Variants in RRAGA observed in about 807,000 individuals in gnomAD.
RRAGA encodes the protein ras-related GTP-binding protein A.
A neutral mutation model predicts 20.5 loss-of-function variants in RRAGA; 11 were observed. The ratio of observed to expected loss-of-function variants is 0.54; its 90% confidence interval spans 0.34 to 0.89. RRAGA has a LOEUF of 0.89. Ranked by LOEUF, RRAGA falls within the 40% of genes least tolerant of loss-of-function variation. The pLI is 0.02. For missense variants in RRAGA, 214 were observed against 400.7 expected, an observed-to-expected ratio of 0.53 and a Z score of 3.98; for synonymous variants, 184 against 155.4, an observed-to-expected ratio of 1.18 and a Z score of -1.37.
rs751720622 is a variant in RRAGA at position 19,049,794 on chromosome 9, G to A, written c.135G>A (p.Val45=). ...DTRRLGATID[V]EHSHVRFLGN... is the part of the protein sequence containing the mutation. ...GGCGCCTGGGGGCCACCATTGACGT[G>A]GAACACTCCCACGTCCGATTCCTAG... Residue 45 remains valine (V), a synonymous_variant, in exon 1 of 1, where the codon GTG becomes GTA. Coordinates refer to ENST00000380527, the MANE Select transcript of RRAGA (RefSeq NM_006570.5). This position sits in a 1 kb window ranked among gnomAD's most constrained non-coding sequence, Gnocchi z 5.4. 1.9e-6 allele frequency: 3 copies of A among 1,614,044 alleles called. No individual in the cohort carries two copies. Among genetic ancestry groups the A allele is most frequent in the East Asian group, 4.5e-5 (2 of 44,884 alleles).
Position 19,050,262 on chromosome 9 carries a change from T to C in RRAGA, c.603T>C (p.Asp201=). 1 of 1,614,160 alleles carries C rather than the reference T, an allele frequency of 6.2e-7. No homozygotes were observed. Among genetic ancestry groups the C allele is most frequent in the East Asian group, 2.2e-5 (1 of 44,894 alleles). The change falls in exon 1 of 1, where the codon GAT becomes GAC. Residue 201 remains aspartate, a synonymous_variant. Transcript: ENST00000380527. Reference sequence around the variant, plus strand: ...ATTTTGCCCAAATCATTGAGGCCGATGAAGTTCTGCTGTTCGAAAGAGCTA... The same window carrying C: ...ATTTTGCCCAAATCATTGAGGCCGACGAAGTTCTGCTGTTCGAAAGAGCTA... ...LRNFAQIIEA[D]EVLLFERATF...
chr9:19,050,972 A>G lies in RRAGA; in HGVS notation c.*371A>G, dbSNP rs1836338721. 5.3e-6 allele frequency: 1 copy of G among 188,568 alleles called. No individual in the cohort carries two copies. The highest frequency in any genetic ancestry group is 2.4e-5 in the African/African-American group (1 of 42,120). 11.7% of individuals were successfully genotyped at this position (188,568 alleles called of 1,614,324 possible). Reference sequence around the variant, plus strand: ...TTTTATCAGCAAGGTATTAAAATGCATTTATAAATTCTTCTTGGCTTCATT... The same window carrying G: ...TTTTATCAGCAAGGTATTAAAATGCGTTTATAAATTCTTCTTGGCTTCATT... On this transcript the variant is annotated 3_prime_UTR_variant, in exon 1 of 1. Transcript: ENST00000380527.
Position 19,050,429 on chromosome 9 carries a change from C to G in RRAGA, c.770C>G (p.Ser257Cys). The G allele has an allele frequency of 6.2e-7, 1 of 1,614,170 alleles. No homozygotes were observed. The highest frequency in any genetic ancestry group is 1.1e-5 in the South Asian group (1 of 91,072). The change falls in exon 1 of 1, where the codon TCC becomes TGC. Residue 257 changes from serine to cysteine, a missense_variant. Coordinates refer to ENST00000380527, the MANE Select transcript of RRAGA (RefSeq NM_006570.5). Reference sequence around the variant, plus strand: ...TTCCAGAGCATGGAAGTTAGGAATTCCAACTTCGCTGCTTTCATCGACATC... The same window carrying G: ...TTCCAGAGCATGGAAGTTAGGAATTGCAACTTCGCTGCTTTCATCGACATC... ...ASFQSMEVRNSNFAAFIDIFT... is the reference protein window; with the variant it reads ...ASFQSMEVRNCNFAAFIDIFT...
In RRAGA at chr9:19,049,618, A is replaced by C; in HGVS notation, c.-42A>C. 5.3e-6 allele frequency: 8 copies of C among 1,504,966 alleles called. No homozygotes were observed. Among genetic ancestry groups the C allele is most frequent in the Non-Finnish European group, 7.2e-6 (8 of 1,104,576 alleles). The allele number at this position is 1,504,966 out of a possible 1,614,324, so 93.2% of individuals were successfully genotyped here. ...CGACCCCTCCCTCGGCGCTGCGTGTAGGCCGCGCCCTCAGGCCCAGTCCGC... is the reference window on the plus strand; with the variant it reads ...CGACCCCTCCCTCGGCGCTGCGTGTCGGCCGCGCCCTCAGGCCCAGTCCGC... On this transcript the variant is annotated 5_prime_UTR_variant, in exon 1 of 1. Coordinates refer to ENST00000380527, the MANE Select transcript of RRAGA (RefSeq NM_006570.5). This position sits in a 1 kb window ranked among gnomAD's most constrained non-coding sequence, Gnocchi z 5.4.
At position 19,049,618 on chromosome 9, in the gene RRAGA, A is replaced by T; in HGVS notation, c.-42A>T. ...CGACCCCTCCCTCGGCGCTGCGTGTAGGCCGCGCCCTCAGGCCCAGTCCGC... is the reference window on the plus strand; with the variant it reads ...CGACCCCTCCCTCGGCGCTGCGTGTTGGCCGCGCCCTCAGGCCCAGTCCGC... On this transcript the variant is annotated 5_prime_UTR_variant, in exon 1 of 1. Coordinates refer to ENST00000380527, the MANE Select transcript of RRAGA (RefSeq NM_006570.5). This position sits in a 1 kb window ranked among gnomAD's most constrained non-coding sequence, Gnocchi z 5.4. 2.7e-6 allele frequency: 4 copies of T among 1,504,966 alleles called. No homozygotes were observed. Among genetic ancestry groups the T allele is most frequent in the Non-Finnish European group, 3.6e-6 (4 of 1,104,576 alleles). 93.2% of individuals were successfully genotyped at this position (1,504,966 alleles called of 1,614,324 possible).
Position 19,050,714 on chromosome 9 carries a change from C to T in RRAGA, c.*113C>T. On this transcript the variant is annotated 3_prime_UTR_variant, in exon 1 of 1. Coordinates refer to ENST00000380527, the MANE Select transcript of RRAGA (RefSeq NM_006570.5). ...AAAGTGGGCTTTGAAGTGTGTGCTG[C>T]TTACTCCTTTCATCTTTCTCCCCGC... 1.0e-6 allele frequency: 1 copy of T among 978,152 alleles called. No homozygotes were observed. Among genetic ancestry groups the T allele is most frequent in the Admixed American group, 2.5e-5 (1 of 40,126 alleles). 60.6% of individuals were successfully genotyped at this position (978,152 alleles called of 1,614,324 possible). A position where few individuals can be genotyped will look rare whatever the true frequency, so the allele number is the denominator to read the frequency against.
rs1836320609 is a variant in RRAGA, at chr9:19,050,125, G to C, written c.466G>C (p.Glu156Gln). The C allele has an allele frequency of 1.2e-6, 2 of 1,613,922 alleles. No homozygotes were observed. Among genetic ancestry groups the C allele is most frequent in the East Asian group, 2.2e-5 (1 of 44,882 alleles). The change falls in exon 1 of 1, where the codon GAG (glutamate) becomes CAG (glutamine). Residue 156 changes from glutamate (E) to glutamine (Q), a missense_variant. Physicochemically the swap from Glu to Gln is conservative, Grantham distance 29. This residue lies in a region of RRAGA where 88 missense variants were observed against 169.9 expected (regional missense o/e 0.52). Transcript: ENST00000380527. ...CCTGAGGCGTCTGTCTCGCCCGCTG[G>C]AGTGTGCTTGTTTTCGAACGTCCAT... ...EDLRRLSRPL[E>Q]CACFRTSIWD...
Position 19,049,860 on chromosome 9 carries a change from C to T in RRAGA, c.201C>T (p.Asp67=). ...ACCTGTGGGACTGTGGCGGTCAGGA[C>T]ACCTTCATGGAAAATTACTTCACCA... ...VLNLWDCGGQ[D]TFMENYFTSQ... Residue 67 remains aspartate (D), a synonymous_variant, in exon 1 of 1, where the codon GAC becomes GAT. Coordinates refer to ENST00000380527, the MANE Select transcript of RRAGA (RefSeq NM_006570.5). This position sits in a 1 kb window ranked among gnomAD's most constrained non-coding sequence, Gnocchi z 5.4. 6.2e-7 allele frequency: 1 copy of T among 1,614,102 alleles called. No individual in the cohort carries two copies. The highest frequency in any genetic ancestry group is 8.5e-7 in the Non-Finnish European group (1 of 1,180,028).
chr9:19,050,721 C>G lies in RRAGA; in HGVS notation c.*120C>G, dbSNP rs1836333206. On this transcript the variant is annotated 3_prime_UTR_variant, in exon 1 of 1. Coordinates refer to ENST00000380527, the MANE Select transcript of RRAGA (RefSeq NM_006570.5). ...GCTTTGAAGTGTGTGCTGCTTACTC[C>G]TTTCATCTTTCTCCCCGCTTCCCCA... 2 of 889,644 alleles carry G rather than the reference C, an allele frequency of 2.2e-6. No individual in the cohort carries two copies. Among genetic ancestry groups the G allele is most frequent in the South Asian group, 1.7e-5 (1 of 58,420 alleles). The allele number at this position is 889,644 out of a possible 1,614,324, so 55.1% of individuals were successfully genotyped here.
At position 19,049,758 on chromosome 9, in the gene RRAGA, T is replaced by C. The variant is rs754384041; in HGVS notation, c.99T>C (p.Ala33=). ...MRSIIFANYI[A]RDTRRLGATI... ...CGATAATCTTCGCCAATTACATTGCTCGCGACACCCGGCGCCTGGGGGCCA... is the reference window on the plus strand; with the variant it reads ...CGATAATCTTCGCCAATTACATTGCCCGCGACACCCGGCGCCTGGGGGCCA... Residue 33 remains alanine (A), a synonymous_variant, in exon 1 of 1, where the codon GCT becomes GCC. Transcript: ENST00000380527. This position sits in a 1 kb window ranked among gnomAD's most constrained non-coding sequence, Gnocchi z 5.4. The C allele has an allele frequency of 3.7e-6, 6 of 1,614,020 alleles. No individual in the cohort carries two copies. The highest frequency in any genetic ancestry group is 1.6e-4 in the Middle Eastern group (1 of 6,084).
Position 19,050,799 on chromosome 9 carries a change from G to C in RRAGA, c.*198G>C, listed in dbSNP as rs538689686. 24 of 596,866 alleles carry C rather than the reference G, an allele frequency of 4.0e-5. 1 individual carries two copies. The South Asian group carries it at 4.8e-4, about 12-fold the overall frequency. The allele number at this position is 596,866 out of a possible 1,614,324, so 37.0% of individuals were successfully genotyped here. A position where few individuals can be genotyped will look rare whatever the true frequency, so the allele number is the denominator to read the frequency against. On this transcript the variant is annotated 3_prime_UTR_variant, in exon 1 of 1. Coordinates refer to ENST00000380527, the MANE Select transcript of RRAGA (RefSeq NM_006570.5). The stretch of plus-strand genomic sequence containing the variant: ...CAGCTACCCAGTAGAGCTTGAAGCT[G>C]ACCTTTCTGAGAAGTTGGTATGGTG...
At position 19,050,088 on chromosome 9, in the gene RRAGA, G is replaced by C; in HGVS notation, c.429G>C (p.Glu143Asp). The change falls in exon 1 of 1, where the codon GAG becomes GAC. Residue 143 changes from glutamate to aspartate, a missense_variant. Around this residue, in one of 4 missense-constraint regions of RRAGA, gnomAD observed 88 missense variants for 169.9 expected, o/e 0.52. Coordinates refer to ENST00000380527, the MANE Select transcript of RRAGA (RefSeq NM_006570.5). The part of the protein sequence containing the change: ...QEDQRDLIFK[E>D]REEDLRRLSR... ...ATCAGCGTGACCTGATTTTTAAAGA[G>C]CGAGAGGAAGACCTGAGGCGTCTGT... 1.2e-6 allele frequency: 2 copies of C among 1,614,106 alleles called. No individual in the cohort carries two copies. Among genetic ancestry groups the C allele is most frequent in the Non-Finnish European group, 1.7e-6 (2 of 1,180,032 alleles).
Position 19,050,277 on chromosome 9 carries a change from C to T in RRAGA, c.618C>T (p.Phe206=). 7 of 1,614,116 alleles carry T rather than the reference C, an allele frequency of 4.3e-6. No individual in the cohort carries two copies. The highest frequency in any genetic ancestry group is 5.9e-6 in the Non-Finnish European group (7 of 1,180,040). The change falls in exon 1 of 1, where the codon TTC becomes TTT. Residue 206 remains phenylalanine, a synonymous_variant. Coordinates refer to ENST00000380527, the MANE Select transcript of RRAGA (RefSeq NM_006570.5). ...QIIEADEVLL[F]ERATFLVISH... The stretch of plus-strand genomic sequence containing the variant: ...TTGAGGCCGATGAAGTTCTGCTGTT[C>T]GAAAGAGCTACATTCTTGGTTATTT...
In RRAGA at chr9:19,050,572, G is replaced by C. The variant is rs1836329659; in HGVS notation, c.913G>C (p.Gly305Arg). 6.2e-7 allele frequency: 1 copy of C among 1,614,088 alleles called. No homozygotes were observed. Among genetic ancestry groups the C allele is most frequent in the Non-Finnish European group, 8.5e-7 (1 of 1,180,042 alleles). ...CTTTGAGAAGCTGGAGAGAGTGGAT[G>C]GCCCCAAGCACAGTCTCCTTATGCG... ...KHFEKLERVDGPKHSLLMR is the reference protein window; with the variant it reads ...KHFEKLERVDRPKHSLLMR The change falls in exon 1 of 1, where the codon GGC (glycine) becomes CGC (arginine). Residue 305 changes from glycine to arginine, a missense_variant. Around this residue, in one of 4 missense-constraint regions of RRAGA, gnomAD observed 68 missense variants for 83.9 expected, o/e 0.81. Transcript: ENST00000380527.
Position 19,050,307 on chromosome 9 carries a change from C to T in RRAGA, c.648C>T (p.His216=), listed in dbSNP as rs1157028488. ...FERATFLVIS[H]YQCKEQRDVH... ...GAGCTACATTCTTGGTTATTTCCCA[C>T]TACCAGTGCAAAGAGCAGCGCGACG... The change falls in exon 1 of 1, where the codon CAC becomes CAT. Residue 216 remains histidine (H), a synonymous_variant. Coordinates refer to ENST00000380527, the MANE Select transcript of RRAGA (RefSeq NM_006570.5). The T allele has an allele frequency of 2.5e-6, 4 of 1,614,064 alleles. No individual in the cohort carries two copies. The African/African-American group carries it at 4.0e-5, about 16-fold the overall frequency.
rs1588585470 is a variant in RRAGA, at chr9:19,050,547, C to T, written c.888C>T (p.His296=). ...TLINIRNARK[H]FEKLERVDGP... ...TCAACATTCGCAATGCCCGGAAACA[C>T]TTTGAGAAGCTGGAGAGAGTGGATG... The change falls in exon 1 of 1, where the codon CAC becomes CAT. Residue 296 remains histidine (H), a synonymous_variant. Coordinates refer to ENST00000380527, the MANE Select transcript of RRAGA (RefSeq NM_006570.5). 3 of 1,614,230 alleles carry T rather than the reference C, an allele frequency of 1.9e-6. No individual in the cohort carries two copies. The highest frequency in any genetic ancestry group is 1.1e-5 in the South Asian group (1 of 91,082).
In RRAGA at chr9:19,049,484, A is replaced by C; in HGVS notation, c.-176A>C. ...GGGCGCTCCCATCTGAGTAAGAGCC[A>C]GCCCGTCCGCGGCCTCTCCAGCCCC... On this transcript the variant is annotated 5_prime_UTR_variant, in exon 1 of 1. Coordinates refer to ENST00000380527, the MANE Select transcript of RRAGA (RefSeq NM_006570.5). This position sits in a 1 kb window ranked among gnomAD's most constrained non-coding sequence, Gnocchi z 5.4. 5.6e-6 allele frequency: 3 copies of C among 539,966 alleles called. No homozygotes were observed. Among genetic ancestry groups the C allele is most frequent in the South Asian group, 2.4e-5 (1 of 41,448 alleles). 33.4% of individuals were successfully genotyped at this position (539,966 alleles called of 1,614,324 possible).
At position 19,049,659 on chromosome 9, in the gene RRAGA, G is replaced by A. The variant is rs199503026; in HGVS notation, c.-1G>A. ...CCCAGTCCGCGGTGCCCCGGCGGGT[G>A]ATGCCAAATACAGCCATGAAGAAAA... On this transcript the variant is annotated 5_prime_UTR_variant, in exon 1 of 1. Coordinates refer to ENST00000380527, the MANE Select transcript of RRAGA (RefSeq NM_006570.5). The surrounding 1 kb of genome is among the most constrained non-coding windows in gnomAD (Gnocchi z 5.4). 6.2e-7 allele frequency: 1 copy of A among 1,608,226 alleles called. No individual in the cohort carries two copies. Among genetic ancestry groups the A allele is most frequent in the Non-Finnish European group, 8.5e-7 (1 of 1,176,072 alleles).
At position 19,050,441 on chromosome 9, in the gene RRAGA, C is replaced by G; in HGVS notation, c.782C>G (p.Ala261Gly). 1 of 1,614,158 alleles carries G rather than the reference C, an allele frequency of 6.2e-7. No individual in the cohort carries two copies. Among genetic ancestry groups the G allele is most frequent in the Non-Finnish European group, 8.5e-7 (1 of 1,180,026 alleles). ...GAAGTTAGGAATTCCAACTTCGCTG[C>G]TTTCATCGACATCTTCACCTCAAAT... ...SMEVRNSNFA[A>G]FIDIFTSNTY... The change falls in exon 1 of 1, where the codon GCT (alanine) becomes GGT (glycine). Residue 261 changes from alanine (A) to glycine (G), a missense_variant. By Grantham distance (60) the Ala-to-Gly change is moderately conservative (BLOSUM62 0). Transcript: ENST00000380527.
Sources: gnomAD v4.1 joint callset for allele counts on GRCh38, gnomAD v4.1.1 for gene constraint, gnomAD v4.1.1 regional missense constraint, Gnocchi (gnomAD v3.1) non-coding constraint, MANE v1.5 for transcripts, NCBI Gene and HGNC (gene_info 2026-07-23, HGNC 2026-07-21) for gene names.